Variants in ME1 observed in about 807,000 individuals in gnomAD.
ME1 encodes the protein malic enzyme 1, also known as NADP-dependent malic enzyme.
In ME1, 74 loss-of-function variants were observed where a neutral mutation model predicts 66.4. The observed-to-expected ratio is 1.11, with a 90% CI of 0.92 to 1.35. The LOEUF (loss-of-function observed/expected upper bound fraction) is 1.35. Among genes scored for constraint, ME1 ranks in the 40% most tolerant of loss-of-function variants. ME1 has a pLI of 0.00. For synonymous variants in ME1, 251 were observed against 235.6 expected, an observed-to-expected ratio of 1.07 and a Z score of -0.60; for missense variants, 750 against 694.1, an observed-to-expected ratio of 1.08 and a Z score of -0.90.
chr6:83,369,120 T>TC (rs1399119829), intron 3 of ME1, among the ~76,000 whole-genome samples: 10 of 152,128 alleles, frequency 6.6e-5, no homozygotes, highest in African/African-American at 2.4e-4. Flanking sequence ...TGTAATTTTT[T>TC]CCCACTCTTC....
intron 2 of ME1, among the ~76,000 whole-genome samples, chr6:83,404,863 T>C (rs1342770266): frequency 6.6e-6 from 1 of 152,238 alleles, no homozygotes; most frequent in Non-Finnish European, 1.5e-5. Context: ...TCCATTGGTC[T>C]ATATACCTGT....
At chr6:83,348,797 G>A (rs967959606) in intron 4 of ME1, among the ~76,000 whole-genome samples, 1 of 151,466 alleles carries the variant, frequency 6.6e-6, no homozygotes, top group East Asian at 1.9e-4. Context: ...AGACCAGCCT[G>A]ACCAACATGG....
intron 5 of ME1, among the ~76,000 whole-genome samples, chr6:83,323,012 A>T (rs1044403586): frequency 1.2e-4 from 19 of 152,206 alleles, no homozygotes; most frequent in African/African-American, 4.6e-4. Context: ...AACATTCTTA[A>T]AGAAAAGAAT....
At chr6:83,424,342 G>A (rs1000608090) in intron 1 of ME1, among the ~76,000 whole-genome samples, 4 of 151,860 alleles carry the variant, frequency 2.6e-5, no homozygotes, top group Middle Eastern at 3.4e-3. Context: ...CTAAAAACAA[G>A]CTATACAAAG....
chr6:83,286,488 AAC>A (rs1224553163), intron 6 of ME1, among the ~76,000 whole-genome samples: 1 of 152,182 alleles, frequency 6.6e-6, no homozygotes, highest in Non-Finnish European at 1.5e-5. Flanking sequence ...AATCCATGAT[AAC>A]ATTTGAATAC....
chr6:83,237,311 A>G (rs1174810632), intron 9 of ME1, among the ~76,000 whole-genome samples: 2 of 128,162 alleles, frequency 1.6e-5, no homozygotes, highest in African/African-American at 3.3e-5. Context: ...AAAAAGAAAG[A>G]AAGAAAAGGA....
Position 83,215,902 on chromosome 6 carries a change from C to T in ME1, c.1548+596G>A, listed in dbSNP as rs140015261. 2.9e-3 allele frequency among the ~76,000 whole-genome samples: 441 copies of T among 152,298 alleles called. 2 individuals are homozygous for T. Among genetic ancestry groups the T allele is most frequent in the Admixed American group, 4.5e-3 (69 of 15,294 alleles). ...CAGCCCAAGAAAACTAATACAATTA[C>T]ACTGCAAAAAAAGTCCACTTATCTT... is the stretch of plus-strand genomic sequence containing the variant. On this transcript the variant is annotated intron_variant, in intron 13 of 13. Coordinates refer to ENST00000369705, the MANE Select transcript of ME1 (RefSeq NM_002395.6).
At chr6:83,428,785 G>A (rs1297685165) in intron 1 of ME1, among the ~76,000 whole-genome samples, 1 of 152,166 alleles carries the variant, frequency 6.6e-6, no homozygotes, top group Non-Finnish European at 1.5e-5. Flanking sequence ...ACACTGGATT[G>A]TGGATCCAAT....
At chr6:83,398,005 G>A (rs1769770451) in intron 3 of ME1, among the ~76,000 whole-genome samples, 2 of 152,082 alleles carry the variant, frequency 1.3e-5, no homozygotes, top group Admixed American at 6.6e-5. Flanking sequence ...GCGGGATTAG[G>A]GAAATGCTGG....
chr6:83,382,029 T>C (rs1174594722), intron 3 of ME1, among the ~76,000 whole-genome samples: 2 of 151,954 alleles, frequency 1.3e-5, no homozygotes, highest in Admixed American at 6.6e-5. Context: ...AAGGTTTTTA[T>C]TTTTTCCTTT....
At chr6:83,333,880 T>A (rs1312949971) in intron 5 of ME1, among the ~76,000 whole-genome samples, 1 of 152,240 alleles carries the variant, frequency 6.6e-6, no homozygotes, top group Admixed American at 6.5e-5. Flanking sequence ...TTAATTATTC[T>A]GATTAACCAA....
intron 6 of ME1, among the ~76,000 whole-genome samples, chr6:83,310,203 C>G (rs1767905059): frequency 6.6e-6 from 1 of 152,156 alleles, no homozygotes; most frequent in Non-Finnish European, 1.5e-5. Context: ...AGACCACGAC[C>G]TATGCTCTTT....
intron 5 of ME1, among the ~76,000 whole-genome samples, chr6:83,319,268 C>A (rs1246357987): frequency 1.3e-5 from 2 of 149,494 alleles, no homozygotes; most frequent in Non-Finnish European, 3.0e-5. Context: ...CTAACCTGCA[C>A]AATGTGCACA....
intron 6 of ME1, among the ~76,000 whole-genome samples, chr6:83,297,289 A>G (rs1289872448): frequency 6.6e-6 from 1 of 152,178 alleles, no homozygotes; most frequent in Non-Finnish European, 1.5e-5. Context: ...ACTACAAAAC[A>G]CTGCGGAAGG....
intron 5 of ME1, among the ~76,000 whole-genome samples, chr6:83,323,092 G>A (rs1768211606): frequency 1.3e-5 from 2 of 152,170 alleles, no homozygotes; most frequent in Admixed American, 6.5e-5. Context: ...ATCCTTTACA[G>A]ACAAGCAAAT....
chr6:83,333,073 G>A (rs1291942104), intron 5 of ME1, among the ~76,000 whole-genome samples: 1 of 152,068 alleles, frequency 6.6e-6, no homozygotes, highest in Non-Finnish European at 1.5e-5. Context: ...TTATTAACTG[G>A]CAGCTAATTC....
chr6:83,327,456 T>G (rs927971362), intron 5 of ME1, among the ~76,000 whole-genome samples: 1 of 152,174 alleles, frequency 6.6e-6, no homozygotes, highest in African/African-American at 2.4e-5. Context: ...GTCTCTGAAC[T>G]GGCCCCCCCG....
At chr6:83,274,818 G>T (rs544460054) in intron 6 of ME1, among the ~76,000 whole-genome samples, 1 of 152,148 alleles carries the variant, frequency 6.6e-6, no homozygotes, top group East Asian at 1.9e-4. Context: ...GACAAATCAC[G>T]TCACTTCTTT....
intron 3 of ME1, among the ~76,000 whole-genome samples, chr6:83,360,327 G>T (rs1421646977): frequency 6.6e-6 from 1 of 152,178 alleles, no homozygotes; most frequent in Non-Finnish European, 1.5e-5. Flanking sequence ...ACATTTTGGG[G>T]ACTACTGGAC....
Sources: allele counts gnomAD v4.1 joint callset (sites outside exome capture counted in the v4.1 genomes callset), GRCh38; gene constraint gnomAD v4.1.1; transcripts MANE v1.5; gene names NCBI Gene and HGNC (gene_info 2026-07-23, HGNC 2026-07-21).